Variants in APBA1 observed in about 807,000 individuals in gnomAD.
APBA1 encodes amyloid beta precursor protein binding family A member 1, also known as amyloid-beta A4 precursor protein-binding family A member 1.
Under a neutral mutation model 86.6 loss-of-function variants are expected in APBA1, and 55 were observed. The observed-to-expected ratio is 0.64, with a 90% CI of 0.51 to 0.80. APBA1 has a LOEUF of 0.80. Among genes scored for constraint, APBA1 ranks in the 30% least tolerant of loss-of-function variants. The probability of loss-of-function intolerance (pLI) is 0.00; values close to 1 mark genes in which losing one functional copy is unlikely to be tolerated. For synonymous variants in APBA1, 511 were observed against 493.9 expected, an observed-to-expected ratio of 1.03 and a Z score of -0.46; for missense variants, 1,090 against 1,183.0, an observed-to-expected ratio of 0.92 and a Z score of 1.15.
intron 5 of APBA1, among the ~76,000 whole-genome samples, chr9:69,458,704 AT>A (rs1481650516): frequency 2.0e-5 from 3 of 150,798 alleles, no homozygotes; most frequent in Admixed American, 6.6e-5. Flanking sequence ...GTTCCGTTAA[AT>A]TTTTTTTCAA....
At chr9:69,579,243 C>T (rs1458003535) in intron 1 of APBA1, among the ~76,000 whole-genome samples, 1 of 152,104 alleles carries the variant, frequency 6.6e-6, no homozygotes, top group Non-Finnish European at 1.5e-5. Flanking sequence ...ATGTGCACAG[C>T]CACATGAGGA....
rs569963715 is a variant in APBA1 at position 69,528,763 on chromosome 9, T to TAC, written c.-69-11486_-69-11485dup. On this transcript the variant is annotated intron_variant, in intron 1 of 12. Transcript: ENST00000265381. ...ATTTTCACACACACACACACATACGTACACACACACACAACACTACAGTAT... is the reference window on the plus strand; with the variant it reads ...ATTTTCACACACACACACACATACGTACACACACACACACAACACTACAGTAT... 1.7e-3 allele frequency among the ~76,000 whole-genome samples: 253 copies of TAC among 151,264 alleles called. 1 individual carries two copies. Among genetic ancestry groups the TAC allele is most frequent in the African/African-American group, 5.9e-3 (242 of 41,350 alleles).
At chr9:69,442,488 G>A (rs1195329925) in intron 10 of APBA1, among the ~76,000 whole-genome samples, 1 of 152,144 alleles carries the variant, frequency 6.6e-6, no homozygotes, top group East Asian at 1.9e-4. Context: ...AGGAGAGGTG[G>A]GTAACTTTTC....
Position 69,516,602 on chromosome 9 carries a change from G to C in APBA1, c.609C>G (p.Asp203Glu). ...LQEHVYEEIG[D>E]APELDARDGL... The stretch of plus-strand genomic sequence containing the variant: ...CGTCGCGTGCGTCCAGCTCGGGCGC[G>C]TCCCCTATCTCCTCGTACACGTGCT... The change falls in exon 2 of 13, where the codon GAC becomes GAG. Residue 203 changes from aspartate to glutamate, a missense_variant. Physicochemically the swap from Asp to Glu is conservative, Grantham distance 45. Coordinates refer to ENST00000265381, the MANE Select transcript of APBA1 (RefSeq NM_001163.4). This position sits in a 1 kb window ranked among gnomAD's most constrained non-coding sequence, Gnocchi z 7.3. 6.2e-7 allele frequency: 1 copy of C among 1,605,058 alleles called. No homozygotes were observed.
chr9:69,625,606 G>T (rs1822913551), intron 1 of APBA1, among the ~76,000 whole-genome samples: 1 of 152,058 alleles, frequency 6.6e-6, no homozygotes, highest in South Asian at 2.1e-4. Context: ...CATTAATTAG[G>T]CTTAGAGATA....
intron 1 of APBA1, among the ~76,000 whole-genome samples, chr9:69,667,021 T>C (rs1014220496): frequency 6.6e-6 from 1 of 152,244 alleles, no homozygotes; most frequent in Non-Finnish European, 1.5e-5. Flanking sequence ...TGACTTTACA[T>C]GTACGTCACT....
intron 2 of APBA1, among the ~76,000 whole-genome samples, chr9:69,504,696 A>T (rs1233585648): frequency 6.6e-6 from 1 of 151,936 alleles, no homozygotes; most frequent in Non-Finnish European, 1.5e-5. Context: ...TCTAAGCCTG[A>T]CAACTAAGAG....
Position 69,667,127 on chromosome 9 carries a change from T to C in APBA1, c.-70+5026A>G, listed in dbSNP as rs975751421. ...TTGTTTTACTATAAACTTCTTAAAA[T>C]TTAGCTCAGATCTCTGAGAGAGAAT... is the stretch of plus-strand genomic sequence containing the variant. On this transcript the variant is annotated intron_variant, in intron 1 of 12. Transcript: ENST00000265381. 8.5e-5 allele frequency among the ~76,000 whole-genome samples: 13 copies of C among 152,336 alleles called. No homozygotes were observed. The East Asian group carries it at 2.5e-3, about 29-fold the overall frequency.
intron 1 of APBA1, among the ~76,000 whole-genome samples, chr9:69,650,204 T>C (rs968265048): frequency 6.6e-6 from 1 of 152,232 alleles, no homozygotes; most frequent in Non-Finnish European, 1.5e-5. Flanking sequence ...TCTGCTTCAG[T>C]GTCCTCATCT....
rs894638164 is a variant in APBA1, at chr9:69,441,200, A to C, written c.2182-85T>G. The C allele has an allele frequency of 2.7e-6, 4 of 1,500,732 alleles. No individual in the cohort carries two copies. The African/African-American group carries it at 4.2e-5, about 16-fold the overall frequency. 93.0% of individuals were successfully genotyped at this position (1,500,732 alleles called of 1,614,324 possible). A position where few individuals can be genotyped will look rare whatever the true frequency, so the allele number is the denominator to read the frequency against. On this transcript the variant is annotated intron_variant, in intron 10 of 12. Coordinates refer to ENST00000265381, the MANE Select transcript of APBA1 (RefSeq NM_001163.4). The stretch of plus-strand genomic sequence containing the variant: ...AAGCAGGCAGCACCAAAGGCAAAAG[A>C]AGCTGCACTGAGTCTTCCGAAGGAC...
At chr9:69,491,519 G>T (rs1465141560) in intron 2 of APBA1, among the ~76,000 whole-genome samples, 1 of 151,568 alleles carries the variant, frequency 6.6e-6, no homozygotes, top group Admixed American at 6.6e-5. Context: ...TGAGTTAATG[G>T]GTGCAGCACA....
chr9:69,649,744 C>T (rs1259667545), intron 1 of APBA1, among the ~76,000 whole-genome samples: 1 of 152,174 alleles, frequency 6.6e-6, no homozygotes, highest in Non-Finnish European at 1.5e-5. Flanking sequence ...GCATCATCCT[C>T]TTGCCAAACA....
chr9:69,558,496 T>A (rs561053099), intron 1 of APBA1, among the ~76,000 whole-genome samples: 2 of 151,770 alleles, frequency 1.3e-5, no homozygotes, highest in Non-Finnish European at 2.9e-5. Flanking sequence ...TCATTCTGTT[T>A]CTATTGTTCT....
At position 69,515,227 on chromosome 9, in the gene APBA1, C is replaced by G. The variant is rs139277368; in HGVS notation, c.1200+784G>C. Among the ~76,000 whole-genome samples the G allele has an allele frequency of 4.8e-3, 727 of 152,254 alleles. 5 individuals carry two copies. Among genetic ancestry groups the G allele is most frequent in the Middle Eastern group, 0.017 (5 of 294 alleles). On this transcript the variant is annotated intron_variant, in intron 2 of 12. Transcript: ENST00000265381. ...TTCCTATGACAAGGCCAGACGCAGACCCTCCACATTCCCATTCTTTCTTCA... is the reference window on the plus strand; with the variant it reads ...TTCCTATGACAAGGCCAGACGCAGAGCCTCCACATTCCCATTCTTTCTTCA...
chr9:69,606,268 T>C (rs1044360515), intron 1 of APBA1, among the ~76,000 whole-genome samples: 1 of 151,928 alleles, frequency 6.6e-6, no homozygotes, highest in Non-Finnish European at 1.5e-5. Context: ...ACAGAGAAGG[T>C]AGAGGGGCAA....
At chr9:69,637,433 T>A (rs1823203230) in intron 1 of APBA1, among the ~76,000 whole-genome samples, 1 of 152,200 alleles carries the variant, frequency 6.6e-6, no homozygotes, top group South Asian at 2.1e-4. Flanking sequence ...CCATTTACTG[T>A]GATGTAATTA....
chr9:69,615,157 G>A lies in APBA1; in HGVS notation c.-70+56996C>T, dbSNP rs1028907775. 7.2e-5 allele frequency among the ~76,000 whole-genome samples: 11 copies of A among 152,300 alleles called. No homozygotes were observed. In the South Asian group the frequency reaches 1.9e-3, roughly 26 times the overall value. ...AGTGGTTGCAGTGAGCCGAGATCAC[G>A]CCACTGCGTTCCGGCCTGGGCGACA... is the stretch of plus-strand genomic sequence containing the variant. On this transcript the variant is annotated intron_variant, in intron 1 of 12. Coordinates refer to ENST00000265381, the MANE Select transcript of APBA1 (RefSeq NM_001163.4).
intron 1 of APBA1, among the ~76,000 whole-genome samples, chr9:69,599,760 A>G (rs926002538): frequency 2.0e-5 from 3 of 152,182 alleles, no homozygotes; most frequent in African/African-American, 7.2e-5. Context: ...TGTTTTCCCA[A>G]GTCTTCTAGA....
At chr9:69,483,921 C>T (rs1835565906) in intron 2 of APBA1, among the ~76,000 whole-genome samples, 1 of 152,130 alleles carries the variant, frequency 6.6e-6, no homozygotes, top group Non-Finnish European at 1.5e-5. Context: ...CTGGTGGGTA[C>T]TTGCTGATTT....
Sources: gnomAD v4.1 joint callset for allele counts (sites outside exome capture counted in the v4.1 genomes callset) on GRCh38, gnomAD v4.1.1 for gene constraint, Gnocchi (gnomAD v3.1) non-coding constraint, MANE v1.5 for transcripts, NCBI Gene and HGNC (gene_info 2026-07-23, HGNC 2026-07-21) for gene names.